NR1H2: variants seen among roughly 807,000 people sequenced by gnomAD.
The protein encoded by NR1H2 is oxysterols receptor LXR-beta.
NR1H2 carries 33 observed loss-of-function variants against 51.2 expected under a neutral mutation model. The ratio of observed to expected loss-of-function variants is 0.64; its 90% CI spans 0.49 to 0.86. The LOEUF (loss-of-function observed/expected upper bound fraction) is 0.86. Ranked by LOEUF, NR1H2 falls within the 40% of genes least tolerant of loss-of-function variation. The pLI is 0.00. For synonymous variants in NR1H2, 310 were observed against 264.3 expected (o/e 1.17, Z -1.68); for missense variants, 592 against 639.9 (o/e 0.93, Z 0.81).
intron 8 of NR1H2, among the ~76,000 whole-genome samples, chr19:50,381,720 G>T (rs1276976424): frequency 2.0e-5 from 3 of 152,204 alleles, no homozygotes; most frequent in African/African-American, 7.2e-5. Context: ...AAGGGAGGGT[G>T]GTGATAGGAT....
rs376638478 is a variant in NR1H2, at chr19:50,382,647, G to A, written c.*45G>A. 1.3e-6 allele frequency: 2 copies of A among 1,502,980 alleles called. No individual in the cohort carries two copies. Among genetic ancestry groups the A allele is most frequent in the Non-Finnish European group, 1.8e-6 (2 of 1,131,404 alleles). 93.1% of individuals were successfully genotyped at this position (1,502,980 alleles called of 1,614,324 possible). ...CACAGCCTTGCCTGACCACCCTCCA[G>A]CAGATAGACGCCGGCACCCCTTCCT... is the stretch of plus-strand genomic sequence containing the variant. On this transcript the variant is annotated 3_prime_UTR_variant, in exon 10 of 10. Transcript: ENST00000253727.
chr19:50,382,704 C>A lies in NR1H2; in HGVS notation c.*102C>A. Reference sequence around the variant, plus strand: ...AGGGTGGAAGGGGCCCTGGGCCGAGCCTGTAGACCTATCGGCTCTCATCCC... The same window carrying A: ...AGGGTGGAAGGGGCCCTGGGCCGAGACTGTAGACCTATCGGCTCTCATCCC... On this transcript the variant is annotated 3_prime_UTR_variant, in exon 10 of 10. Transcript: ENST00000253727. 7.9e-7 allele frequency: 1 copy of A among 1,258,100 alleles called. No homozygotes were observed. Among genetic ancestry groups the A allele is most frequent in the Non-Finnish European group, 1.1e-6 (1 of 921,604 alleles). 77.9% of individuals were successfully genotyped at this position (1,258,100 alleles called of 1,614,324 possible). A position where few individuals can be genotyped will look rare whatever the true frequency, so the allele number is the denominator to read the frequency against.
Position 50,382,624 on chromosome 19 carries a change from C to T in NR1H2, c.*22C>T, listed in dbSNP as rs1349619453. 1.3e-6 allele frequency: 2 copies of T among 1,530,016 alleles called. No homozygotes were observed. Among genetic ancestry groups the T allele is most frequent in the East Asian group, 2.3e-5 (1 of 43,916 alleles). The allele number at this position is 1,530,016 out of a possible 1,614,324, so 94.8% of individuals were successfully genotyped here. ...GTGAGGGGCTGGCCACCCAGCCCCA[C>T]AGCCTTGCCTGACCACCCTCCAGCA... is the stretch of plus-strand genomic sequence containing the variant. On this transcript the variant is annotated 3_prime_UTR_variant, in exon 10 of 10. Transcript: ENST00000253727.
intron 7 of NR1H2, 23 bp from the exon 8 acceptor site, chr19:50,379,757 C>G: frequency 4.6e-6 from 7 of 1,528,616 alleles, no homozygotes; most frequent in Non-Finnish European, 6.4e-6. Flanking sequence ...GGCTCAAGCT[C>G]CCCCTCCCGC....
chr19:50,376,875 A>T (rs1409571133), intron 2 of NR1H2, 49 bp downstream of exon 2: 1 of 96,970 alleles, frequency 1.0e-5, no homozygotes, highest in South Asian at 4.0e-4. Context: ...GCATGATGGG[A>T]GGTGATGGGG....
chr19:50,379,363 A>C (rs2037727733), intron 7 of NR1H2, among the ~76,000 whole-genome samples, 182 bp downstream of exon 7: 2 of 152,230 alleles, frequency 1.3e-5, no homozygotes, highest in African/African-American at 2.4e-5. Flanking sequence ...GGATCAGGCT[A>C]GAGGCGCTAT....
In NR1H2 at chr19:50,378,703, G is replaced by C. The variant is rs1464583355; in HGVS notation, c.654G>C (p.Gln218His). 5 of 1,613,752 alleles carry C rather than the reference G, an allele frequency of 3.1e-6. No homozygotes were observed. The highest frequency in any genetic ancestry group is 2.2e-5 in the East Asian group (1 of 44,882). ...GCTCCGGGGAAGGCGAGGGTGTCCA[G>C]CTAACAGCGGCTCAAGAACTAATGA... ...SQGSGEGEGV[Q>H]LTAAQELMIQ... Residue 218 changes from glutamine to histidine, a missense_variant, in exon 6 of 10, where the codon CAG (glutamine) becomes CAC (histidine). Physicochemically the swap from Gln to His is conservative, Grantham distance 24. This residue lies in a region of NR1H2 where 316 missense variants were observed against 313.4 expected (regional missense o/e 1.01). Coordinates refer to ENST00000253727, the MANE Select transcript of NR1H2 (RefSeq NM_007121.7).
In NR1H2 at chr19:50,380,843, C is replaced by G. The variant is rs117287316; in HGVS notation, c.1027+964C>G. ...CCGCTCCTCTGCCACCACCCTGGAACACTGCCAGGGTCCCCTTGAGGGGCC... is the reference window on the plus strand; with the variant it reads ...CCGCTCCTCTGCCACCACCCTGGAAGACTGCCAGGGTCCCCTTGAGGGGCC... On this transcript the variant is annotated intron_variant, in intron 8 of 9. Coordinates refer to ENST00000253727, the MANE Select transcript of NR1H2 (RefSeq NM_007121.7). Among the ~76,000 whole-genome samples, 32 of 152,316 alleles carry G rather than the reference C, an allele frequency of 2.1e-4. No individual in the cohort carries two copies. In the East Asian group the frequency reaches 4.6e-3, roughly 22 times the overall value.
Position 50,382,319 on chromosome 19 carries a change from C to G in NR1H2, c.1237-137C>G, listed in dbSNP as rs1018934724. The G allele has an allele frequency of 3.7e-6, 5 of 1,350,468 alleles. No homozygotes were observed. In the African/African-American group the frequency reaches 7.2e-5, roughly 20 times the overall value. The allele number at this position is 1,350,468 out of a possible 1,614,324, so 83.7% of individuals were successfully genotyped here. Reference sequence around the variant, plus strand: ...CACCCTGCTCGACTGGGAGCCAGGTCTAGTCCAAGCACAGAGGCGGGCCCC... The same window carrying G: ...CACCCTGCTCGACTGGGAGCCAGGTGTAGTCCAAGCACAGAGGCGGGCCCC... On this transcript the variant is annotated intron_variant, in intron 9 of 9. Transcript: ENST00000253727.
At chr19:50,377,091 T>C (rs1481405810) in intron 2 of NR1H2, among the ~76,000 whole-genome samples, 1 of 99,630 alleles carries the variant, frequency 1.0e-5, no homozygotes, top group Non-Finnish European at 2.0e-5. Flanking sequence ...GAGGGAGGGA[T>C]GCATATGGGG....
chr19:50,382,514 CTG>C lies in NR1H2; in HGVS notation c.1298_1299del (p.Val433AlafsTer152). ...CTGGTGAGCCTGCGCACGCTGAGCTCTGTGCACTCGGAGCAGGTCTTCGCCTT... is the reference window on the plus strand; with the variant it reads ...CTGGTGAGCCTGCGCACGCTGAGCTCTGCACTCGGAGCAGGTCTTCGCCTT... On this transcript the variant is annotated frameshift_variant, in exon 10 of 10. Coordinates refer to ENST00000253727, the MANE Select transcript of NR1H2 (RefSeq NM_007121.7). LOFTEE classifies it high-confidence loss of function. 1 of 1,611,176 alleles carries C rather than the reference CTG, an allele frequency of 6.2e-7. No individual in the cohort carries two copies. The highest frequency in any genetic ancestry group is 2.2e-5 in the East Asian group (1 of 44,834).
Position 50,382,700 on chromosome 19 carries a change from C to A in NR1H2, c.*98C>A. On this transcript the variant is annotated 3_prime_UTR_variant, in exon 10 of 10. Coordinates refer to ENST00000253727, the MANE Select transcript of NR1H2 (RefSeq NM_007121.7). ...TCCTAGGGTGGAAGGGGCCCTGGGCCGAGCCTGTAGACCTATCGGCTCTCA... is the reference window on the plus strand; with the variant it reads ...TCCTAGGGTGGAAGGGGCCCTGGGCAGAGCCTGTAGACCTATCGGCTCTCA... The A allele has an allele frequency of 7.5e-7, 1 of 1,332,376 alleles. No homozygotes were observed. Among genetic ancestry groups the A allele is most frequent in the Non-Finnish European group, 1.0e-6 (1 of 985,404 alleles). 82.5% of individuals were successfully genotyped at this position (1,332,376 alleles called of 1,614,324 possible). A position where few individuals can be genotyped will look rare whatever the true frequency, so the allele number is the denominator to read the frequency against.
Position 50,382,523 on chromosome 19 carries a change from C to A in NR1H2, c.1304C>A (p.Ser435Ter). 1 of 1,610,050 alleles carries A rather than the reference C, an allele frequency of 6.2e-7. No individual in the cohort carries two copies. The highest frequency in any genetic ancestry group is 8.5e-7 in the Non-Finnish European group (1 of 1,178,320). Residue 435 changes from serine to a stop codon, truncating the protein, a stop_gained, in exon 10 of 10, where the codon TCG becomes TAG. Transcript: ENST00000253727. LOFTEE classifies it high-confidence loss of function. ...VSLRTLSSVH[S>*]EQVFALRLQD... Reference sequence around the variant, plus strand: ...CTGCGCACGCTGAGCTCTGTGCACTCGGAGCAGGTCTTCGCCTTGCGGCTC... The same window carrying A: ...CTGCGCACGCTGAGCTCTGTGCACTAGGAGCAGGTCTTCGCCTTGCGGCTC...
chr19:50,379,455 C>T (rs1057183599), intron 7 of NR1H2, among the ~76,000 whole-genome samples: 4 of 152,282 alleles, frequency 2.6e-5, no homozygotes, highest in Admixed American at 6.5e-5. Flanking sequence ...GTATTGAGCA[C>T]GTGCTGTATG....
At position 50,383,031 on chromosome 19, in the gene NR1H2, A is replaced by T. The variant is rs1220918025; in HGVS notation, c.*429A>T. 1 of 154,184 alleles carries T rather than the reference A, an allele frequency of 6.5e-6. No homozygotes were observed. Among genetic ancestry groups the T allele is most frequent in the African/African-American group, 2.4e-5 (1 of 41,492 alleles). The allele number at this position is 154,184 out of a possible 1,614,324, so 9.6% of individuals were successfully genotyped here. A position where few individuals can be genotyped will look rare whatever the true frequency, so the allele number is the denominator to read the frequency against. On this transcript the variant is annotated 3_prime_UTR_variant, in exon 10 of 10. Coordinates refer to ENST00000253727, the MANE Select transcript of NR1H2 (RefSeq NM_007121.7). ...ATCCAGCCCGGAGCTGGAGTGCAAG[A>T]TGGAGAGGGCGCGGGCTTCTAGGGA...
Position 50,378,763 on chromosome 19 carries a change from C to T in NR1H2, c.714C>T (p.Asn238=). 6.2e-7 allele frequency: 1 copy of T among 1,613,852 alleles called. No homozygotes were observed. Among genetic ancestry groups the T allele is most frequent in the East Asian group, 2.2e-5 (1 of 44,884 alleles). The part of the protein sequence containing the change: ...QQLVAAQLQC[N]KRSFSDQPKV... ...TGGTGGCGGCCCAACTGCAGTGCAA[C>T]AAACGCTCCTTCTCCGACCAGCCCA... The change falls in exon 6 of 10, where the codon AAC becomes AAT. Residue 238 remains asparagine, a synonymous_variant. Transcript: ENST00000253727.
In NR1H2 at chr19:50,379,441, A is replaced by AT. The variant is rs142633971; in HGVS notation, c.927+261dup. ...ATTTGAATCAAAGTAGGGATAACATATAAGTATTGAGCACGTGCTGTATGC... is the reference window on the plus strand; with the variant it reads ...ATTTGAATCAAAGTAGGGATAACATATTAAGTATTGAGCACGTGCTGTATGC... On this transcript the variant is annotated intron_variant, in intron 7 of 9. Transcript: ENST00000253727. 8.5e-3 allele frequency among the ~76,000 whole-genome samples: 1,300 copies of AT among 152,352 alleles called. 21 individuals carry two copies. The highest frequency in any genetic ancestry group is 0.03 in the African/African-American group (1,230 of 41,576).
Position 50,382,784 on chromosome 19 carries a change from TC to T in NR1H2, c.*184del. 1 of 591,570 alleles carries T rather than the reference TC, an allele frequency of 1.7e-6. No individual in the cohort carries two copies. The highest frequency in any genetic ancestry group is 3.2e-5 in the East Asian group (1 of 31,136). The allele number at this position is 591,570 out of a possible 1,614,324, so 36.6% of individuals were successfully genotyped here. On this transcript the variant is annotated 3_prime_UTR_variant, in exon 10 of 10. Transcript: ENST00000253727. ...GGCTCCCTCCCTGCCCAGCGAGTCT[TC>T]CAGAAGGGGTGAAAGGGTTGCAGGT...
Position 50,377,877 on chromosome 19 carries a change from C to T in NR1H2, c.181+7C>T, listed in dbSNP as rs1012326039. 18 of 1,545,856 alleles carry T rather than the reference C, an allele frequency of 1.2e-5. No individual in the cohort carries two copies. The Admixed American group carries it at 3.6e-4, about 31-fold the overall frequency. ...GCCTGCAGCACAGACTGGGGTGAGA[C>T]AGGGCCCTGGAGTTGATGTGGGGGC... On this transcript the variant is annotated splice_region_variant and intron_variant, in intron 4 of 9. Coordinates refer to ENST00000253727, the MANE Select transcript of NR1H2 (RefSeq NM_007121.7).
Sources: allele counts gnomAD v4.1 joint callset (sites outside exome capture counted in the v4.1 genomes callset), GRCh38; gene constraint gnomAD v4.1.1; regional missense constraint gnomAD v4.1.1; transcripts MANE v1.5; gene names NCBI Gene and HGNC (gene_info 2026-07-23, HGNC 2026-07-21).